The following F10 variants were observed in gnomAD, a reference collection of about 807,000 sequenced individuals.
F10 encodes Stuart-Prower factor.
A neutral mutation model predicts 37.1 loss-of-function variants in F10; 29 were observed. The observed-to-expected ratio is 0.78, with a 90% CI of 0.58 to 1.07. F10 has a LOEUF of 1.07. Among genes scored for constraint, F10 ranks in the 50% least tolerant of loss-of-function variants. The pLI is 0.00. For synonymous variants in F10, 262 were observed against 268.6 expected (o/e 0.98, Z 0.24); for missense variants, 539 against 667.9 (o/e 0.81, Z 2.13).
chr13:113,132,709 G>A (rs2036445468), intron 2 of F10, among the ~76,000 whole-genome samples: 1 of 152,226 alleles, frequency 6.6e-6, no homozygotes, highest in Admixed American at 6.5e-5. Flanking sequence ...AACTGGCTGT[G>A]AGTTTATCAT....
At position 113,139,059 on chromosome 13, in the gene F10, A is replaced by T. The variant is rs1449250065; in HGVS notation, c.257-298A>T. Among the ~76,000 whole-genome samples the T allele has an allele frequency of 6.6e-6, 1 of 152,214 alleles. No homozygotes were observed. The highest frequency in any genetic ancestry group is 2.4e-5 in the African/African-American group (1 of 41,446). ...GCCCAGAAATGAGCATCAGGCTCTC[A>T]CCTTTCCTCCATCCTTCCAGTTGGT... On this transcript the variant is annotated intron_variant, in intron 3 of 7. Coordinates refer to ENST00000375559, the MANE Select transcript of F10 (RefSeq NM_000504.4). This position sits in a 1 kb window ranked among gnomAD's most constrained non-coding sequence, Gnocchi z 5.2.
intron 1 of F10, among the ~76,000 whole-genome samples, chr13:113,124,083 G>A (rs906929370): frequency 2.6e-5 from 4 of 152,204 alleles, no homozygotes; most frequent in South Asian, 2.1e-4. Context: ...ATGCTTCCGC[G>A]AATTGGTAGA....
At chr13:113,124,835 G>T (rs569779749) in intron 1 of F10, among the ~76,000 whole-genome samples, 2 of 152,238 alleles carry the variant, frequency 1.3e-5, no homozygotes, top group African/African-American at 4.8e-5. Context: ...AAATCAAGGC[G>T]TCAGCGGGGC....
Position 113,141,184 on chromosome 13 carries a change from G to T in F10, c.502+134G>T. On this transcript the variant is annotated intron_variant, in intron 5 of 7. Coordinates refer to ENST00000375559, the MANE Select transcript of F10 (RefSeq NM_000504.4). The surrounding 1 kb of genome is among the most constrained non-coding windows in gnomAD (Gnocchi z 5.4). ...GGTAACAGTGACACCAAGAGGACAG[G>T]ACTGAGCCCTGGGCTCCGGGCCCAG... 7.6e-7 allele frequency: 1 copy of T among 1,309,878 alleles called. No homozygotes were observed. Among genetic ancestry groups the T allele is most frequent in the South Asian group, 1.3e-5 (1 of 78,774 alleles). 81.1% of individuals were successfully genotyped at this position (1,309,878 alleles called of 1,614,324 possible).
At chr13:113,127,610 G>A (rs2036382385) in intron 1 of F10, among the ~76,000 whole-genome samples, 1 of 152,164 alleles carries the variant, frequency 6.6e-6, no homozygotes, top group Admixed American at 6.5e-5. Flanking sequence ...TTAACCAGCA[G>A]ATCAAGACTC....
intron 7 of F10, among the ~76,000 whole-genome samples, chr13:113,148,348 AT>A (rs2036602781): frequency 1.0e-5 from 1 of 98,222 alleles, no homozygotes. Context: ...AAAAAAAAAT[AT>A]ATATATATAT....
intron 4 of F10, chr13:113,140,444 A>G (rs1201877776): frequency 2.2e-6 from 1 of 457,410 alleles, no homozygotes; most frequent in Non-Finnish European, 4.5e-6. Context: ...TGATGAGAAT[A>G]TCAATTACGC....
At chr13:113,129,144 A>G (rs1037793757) in intron 1 of F10, among the ~76,000 whole-genome samples, 1 of 152,182 alleles carries the variant, frequency 6.6e-6, no homozygotes, top group Admixed American at 6.5e-5. Flanking sequence ...GGTCAGCCTC[A>G]AGGTCTCTTA....
rs144616884 is a variant in F10, at chr13:113,141,023, G to A, written c.475G>A (p.Asp159Asn). ...CTGCGCCCGCGGGTACACCCTGGCT[G>A]ACAACGGCAAGGCCTGCATTCCCAC... is the stretch of plus-strand genomic sequence containing the variant. ...CSCARGYTLA[D>N]NGKACIPTGP... The change falls in exon 5 of 8, where the codon GAC (aspartate) becomes AAC (asparagine). Residue 159 changes from aspartate to asparagine, a missense_variant. Transcript: ENST00000375559. This position sits in a 1 kb window ranked among gnomAD's most constrained non-coding sequence, Gnocchi z 5.4. 2.2e-4 allele frequency: 360 copies of A among 1,613,892 alleles called. No homozygotes were observed. Among genetic ancestry groups the A allele is most frequent in the Non-Finnish European group, 3.0e-4 (349 of 1,180,042 alleles).
At chr13:113,148,690 G>A (rs1021694032) in intron 7 of F10, among the ~76,000 whole-genome samples, 1 of 152,138 alleles carries the variant, frequency 6.6e-6, no homozygotes, top group Admixed American at 6.5e-5. Context: ...AGTGGCGGCC[G>A]TCTAAAGAAC....
intron 2 of F10, among the ~76,000 whole-genome samples, chr13:113,136,929 CG>C (rs1201955398): frequency 0.22 from 2,661 of 12,142 alleles, 1,308 homozygotes; most frequent in East Asian, 0.47. Context: ...GGATTACAGG[CG>C]TGAGCCACCG....
At chr13:113,135,078 TA>T (rs1226172549) in intron 2 of F10, among the ~76,000 whole-genome samples, 1 of 151,590 alleles carries the variant, frequency 6.6e-6, no homozygotes, top group Non-Finnish European at 1.5e-5. Flanking sequence ...CCGTCTCTAC[TA>T]AAAAAATACA....
intron 7 of F10, among the ~76,000 whole-genome samples, chr13:113,148,345 A>AAAATAT (rs1300922846): frequency 2.1e-5 from 2 of 95,436 alleles, no homozygotes; most frequent in African/African-American, 7.9e-5. Flanking sequence ...AAAAAAAAAA[A>AAAATAT]ATATATATAT....
chr13:113,130,051 C>A, intron 2 of F10: 1 of 311,058 alleles, frequency 3.2e-6, no homozygotes. Flanking sequence ...AGCGCCAGCG[C>A]GCAGGCGCAC....
At chr13:113,142,467 G>A (rs573986199) in intron 5 of F10, among the ~76,000 whole-genome samples, 53 of 135,926 alleles carry the variant, frequency 3.9e-4, no homozygotes, top group African/African-American at 1.3e-3. Context: ...AGAGAATGGC[G>A]TGAACCTGGA....
At chr13:113,130,972 A>G (rs2036429026) in intron 2 of F10, 1 of 152,380 alleles carries the variant, frequency 6.6e-6, no homozygotes, top group Non-Finnish European at 1.5e-5. Flanking sequence ...ATGTTGCCCC[A>G]TCCTTACTTT....
At position 113,139,475 on chromosome 13, in the gene F10, G is replaced by C; in HGVS notation, c.370+5G>C. On this transcript the variant is annotated splice_donor_5th_base_variant and intron_variant, in intron 4 of 7. Coordinates refer to ENST00000375559, the MANE Select transcript of F10 (RefSeq NM_000504.4). This position sits in a 1 kb window ranked among gnomAD's most constrained non-coding sequence, Gnocchi z 5.2. ...AAGGCAAAAACTGTGAATTATGTAGGTTCCTCTGCTTGGTATACCTTCAGA... is the reference window on the plus strand; with the variant it reads ...AAGGCAAAAACTGTGAATTATGTAGCTTCCTCTGCTTGGTATACCTTCAGA... The C allele has an allele frequency of 1.2e-6, 2 of 1,610,678 alleles. No homozygotes were observed. The highest frequency in any genetic ancestry group is 1.7e-6 in the Non-Finnish European group (2 of 1,176,918).
At position 113,132,210 on chromosome 13, in the gene F10, G is replaced by A. The variant is rs115807347; in HGVS notation, c.231+2598G>A. Among the ~76,000 whole-genome samples the A allele has an allele frequency of 8.9e-4, 136 of 152,086 alleles. 1 individual carries two copies. Among genetic ancestry groups the A allele is most frequent in the African/African-American group, 3.0e-3 (124 of 41,462 alleles). ...CTAACAGAAAAAATTTAGAATTTTC[G>A]GAAATATTTTCAAATACTTCTTATA... is the stretch of plus-strand genomic sequence containing the variant. On this transcript the variant is annotated intron_variant, in intron 2 of 7. Transcript: ENST00000375559.
chr13:113,142,805 G>T (rs1008546756), intron 5 of F10, among the ~76,000 whole-genome samples: 1 of 151,818 alleles, frequency 6.6e-6, no homozygotes, highest in African/African-American at 2.4e-5. Flanking sequence ...GGTGGCGCAC[G>T]CCTGTAATCC....
Sources: allele counts gnomAD v4.1 joint callset (sites outside exome capture counted in the v4.1 genomes callset), GRCh38; gene constraint gnomAD v4.1.1; non-coding constraint Gnocchi (gnomAD v3.1); transcripts MANE v1.5; gene names NCBI Gene and HGNC (gene_info 2026-07-23, HGNC 2026-07-21).